The following SPAG16 variants were observed in gnomAD, a reference collection of about 807,000 sequenced individuals.
SPAG16 encodes the protein sperm-associated antigen 16 protein.
SPAG16 carries 86 observed loss-of-function variants against 80.4 expected under a neutral mutation model. The ratio of observed to expected loss-of-function variants is 1.07; its 90% CI spans 0.90 to 1.28. The LOEUF is 1.28. Among genes scored for constraint, SPAG16 ranks in the 50% most tolerant of loss-of-function variants. The pLI is 0.00. For synonymous variants in SPAG16, 294 were observed against 265.9 expected (o/e 1.11, Z -1.03); for missense variants, 870 against 765.3 (o/e 1.14, Z -1.61).
chr2:214,181,700 C>A (rs2057311705), intron 15 of SPAG16, among the ~76,000 whole-genome samples: 1 of 151,820 alleles, frequency 6.6e-6, no homozygotes. Flanking sequence ...TCTTGCAATT[C>A]TCTGCCATTG....
chr2:213,774,764 G>A (rs767088662), intron 10 of SPAG16, among the ~76,000 whole-genome samples: 5 of 152,056 alleles, frequency 3.3e-5, no homozygotes, highest in African/African-American at 9.7e-5. Context: ...CAATTTCTTC[G>A]AGGCCAGTAG....
At chr2:214,277,333 G>T (rs1352840841) in intron 15 of SPAG16, among the ~76,000 whole-genome samples, 1 of 152,086 alleles carries the variant, frequency 6.6e-6, no homozygotes, top group Non-Finnish European at 1.5e-5. Context: ...TTCTGTTGCT[G>T]GTGAGGAGCT....
At chr2:214,370,624 A>G (rs1272833252) in intron 15 of SPAG16, among the ~76,000 whole-genome samples, 2 of 152,174 alleles carry the variant, frequency 1.3e-5, no homozygotes, top group African/African-American at 4.8e-5. Flanking sequence ...AATTTCAAGT[A>G]TACAATACAG....
At chr2:214,309,068 A>C (rs1912172) in intron 15 of SPAG16, among the ~76,000 whole-genome samples, 14 of 151,902 alleles carry the variant, frequency 9.2e-5, no homozygotes, top group Admixed American at 2.6e-4. Context: ...CATATGTCTC[A>C]GAGGTTTTGT....
Position 213,479,005 on chromosome 2 carries a change from T to A in SPAG16, c.943-10958T>A, listed in dbSNP as rs547101606. Among the ~76,000 whole-genome samples, 184 of 151,488 alleles carry A rather than the reference T, an allele frequency of 1.2e-3. 2 individuals carry two copies. Among genetic ancestry groups the A allele is most frequent in the Middle Eastern group, 6.8e-3 (2 of 294 alleles). ...ATTTCTCAGGGTTAAATAATTATAA[T>A]AAAAATTTACTGTCAGCATTAAAAA... On this transcript the variant is annotated intron_variant, in intron 9 of 15. Coordinates refer to ENST00000331683, the MANE Select transcript of SPAG16 (RefSeq NM_024532.5).
intron 13 of SPAG16, among the ~76,000 whole-genome samples, chr2:214,064,903 C>T (rs1270126607): frequency 6.6e-6 from 1 of 151,796 alleles, no homozygotes; most frequent in African/African-American, 2.4e-5. Flanking sequence ...TGTTTTATTA[C>T]TTTGGAAGAT....
chr2:213,805,116 G>A (rs539864645), intron 10 of SPAG16, among the ~76,000 whole-genome samples: 13 of 152,310 alleles, frequency 8.5e-5, no homozygotes, highest in Non-Finnish European at 1.5e-4. Flanking sequence ...GAGCTAATAA[G>A]TAATGGAGTT....
At chr2:213,513,614 G>T (rs957405106) in intron 10 of SPAG16, among the ~76,000 whole-genome samples, 9 of 152,162 alleles carry the variant, frequency 5.9e-5, no homozygotes, top group African/African-American at 2.2e-4. Context: ...AGAATGGGAT[G>T]GGAGTTTTAT....
intron 12 of SPAG16, among the ~76,000 whole-genome samples, chr2:213,994,806 A>G (rs1575764450): frequency 2.0e-5 from 3 of 152,138 alleles, no homozygotes; most frequent in African/African-American, 7.2e-5. Context: ...ATAATAAAGA[A>G]CAAATCCAAA....
chr2:214,337,974 G>A (rs1697411404), intron 15 of SPAG16, among the ~76,000 whole-genome samples: 1 of 152,054 alleles, frequency 6.6e-6, no homozygotes, highest in Non-Finnish European at 1.5e-5. Flanking sequence ...GACATGACTA[G>A]TGGTAGAGAT....
intron 11 of SPAG16, among the ~76,000 whole-genome samples, chr2:213,910,735 G>T (rs552379864): frequency 3.3e-5 from 1 of 29,970 alleles, no homozygotes; most frequent in African/African-American, 5.8e-5. Context: ...TGATCCGCCC[G>T]CCTCGGCCTC....
At chr2:214,217,509 T>C (rs184553582) in intron 15 of SPAG16, among the ~76,000 whole-genome samples, 13 of 152,348 alleles carry the variant, frequency 8.5e-5, no homozygotes, top group Non-Finnish European at 1.8e-4. Flanking sequence ...TGGCTAGTTT[T>C]AAATTGTCAC....
chr2:213,723,650 C>A (rs1297185204), intron 10 of SPAG16, among the ~76,000 whole-genome samples: 2 of 152,158 alleles, frequency 1.3e-5, no homozygotes, highest in African/African-American at 4.8e-5. Flanking sequence ...AAGAGAAATG[C>A]ATTCTAACCC....
chr2:214,350,950 GGAATAAGAAAAGAAAATA>G (rs569546623), intron 15 of SPAG16, among the ~76,000 whole-genome samples: 65 of 152,248 alleles, frequency 4.3e-4, no homozygotes, highest in African/African-American at 1.5e-3. Context: ...AAGGCAACTT[GGAATAAGAAAAGAAAATA>G]GAATTTGACC....
At chr2:213,891,497 C>T (rs2076784811) in intron 11 of SPAG16, among the ~76,000 whole-genome samples, 1 of 152,004 alleles carries the variant, frequency 6.6e-6, no homozygotes, top group Non-Finnish European at 1.5e-5. Flanking sequence ...CATTGAAATT[C>T]ATATTTTTCT....
chr2:214,112,703 G>A (rs1056755908), intron 14 of SPAG16, among the ~76,000 whole-genome samples: 3 of 130,328 alleles, frequency 2.3e-5, no homozygotes, highest in African/African-American at 8.6e-5. Context: ...TTTATTTTGA[G>A]CCTATGTGTG....
Position 214,013,943 on chromosome 2 carries a change from C to G in SPAG16, c.1401-8C>G, listed in dbSNP as rs751137260. ...AACTCCTAAAATTCTTAATTTCTCT[C>G]TTTATAGTGAAAGATGCAGATGTAC... On this transcript the variant is annotated splice_region_variant and splice_polypyrimidine_tract_variant and intron_variant, in intron 12 of 15. Coordinates refer to ENST00000331683, the MANE Select transcript of SPAG16 (RefSeq NM_024532.5). 4 of 1,612,296 alleles carry G rather than the reference C, an allele frequency of 2.5e-6. No individual in the cohort carries two copies. In the Admixed American group the frequency reaches 5.0e-5, roughly 20 times the overall value.
chr2:213,983,766 T>C (rs371827115), intron 12 of SPAG16, among the ~76,000 whole-genome samples: 1 of 152,146 alleles, frequency 6.6e-6, no homozygotes, highest in East Asian at 1.9e-4. Flanking sequence ...ACCATCACAA[T>C]AGGGGGTGTT....
At chr2:214,208,538 CA>C (rs2058208075) in intron 15 of SPAG16, among the ~76,000 whole-genome samples, 1 of 152,110 alleles carries the variant, frequency 6.6e-6, no homozygotes, top group Non-Finnish European at 1.5e-5. Context: ...GCCCAGAAAA[CA>C]TATCAGTCAT....
Sources: allele counts gnomAD v4.1 joint callset (sites outside exome capture counted in the v4.1 genomes callset), GRCh38; gene constraint gnomAD v4.1.1; transcripts MANE v1.5; gene names NCBI Gene and HGNC (gene_info 2026-07-23, HGNC 2026-07-21).